Variants in DOCK8 observed in about 807,000 individuals in gnomAD.
DOCK8 encodes dedicator of cytokinesis protein 8.
A neutral mutation model predicts 245.6 loss-of-function variants in DOCK8; 141 were observed. The observed-to-expected ratio is 0.57, with a 90% CI of 0.50 to 0.66. DOCK8 has a LOEUF of 0.66. Among genes scored for constraint, DOCK8 ranks in the 30% least tolerant of loss-of-function variants. The pLI is 0.00. For missense variants in DOCK8, 2,965 were observed against 2,603.4 expected (o/e 1.14, Z -3.02); for synonymous variants, 1,168 against 970.2 (o/e 1.20, Z -3.79).
chr9:398,393 A>T (rs577897141), intron 25 of DOCK8, among the ~76,000 whole-genome samples: 21 of 152,342 alleles, frequency 1.4e-4, no homozygotes, highest in African/African-American at 5.1e-4. Context: ...TGTTAACAAA[A>T]GCAAAATAGT....
intron 39 of DOCK8, among the ~76,000 whole-genome samples, chr9:435,264 C>T (rs1047084741): frequency 3.9e-5 from 6 of 152,146 alleles, no homozygotes; most frequent in African/African-American, 1.4e-4. Flanking sequence ...ATTGCTTTCC[C>T]ATCGTCGTTG....
intron 2 of DOCK8, among the ~76,000 whole-genome samples, chr9:285,375 T>C (rs565484915): frequency 6.6e-6 from 1 of 152,140 alleles, no homozygotes; most frequent in Admixed American, 6.5e-5. Flanking sequence ...TCTGCCCTTG[T>C]CTCCCATCAA....
intron 1 of DOCK8, chr9:268,034 G>C (rs191510063): frequency 4.6e-5 from 7 of 152,210 alleles, no homozygotes; most frequent in Non-Finnish European, 7.3e-5. Flanking sequence ...AGGGGTGTGA[G>C]GCATGCTGGT....
rs1234416169 is a variant in DOCK8, at chr9:379,862, G to T, written c.2532G>T (p.Arg844Ser). 6.2e-7 allele frequency: 1 copy of T among 1,614,214 alleles called. No individual in the cohort carries two copies. Among genetic ancestry groups the T allele is most frequent in the East Asian group, 2.2e-5 (1 of 44,886 alleles). The change falls in exon 21 of 48, where the codon AGG (arginine) becomes AGT (serine). Residue 844 changes from arginine (R) to serine (S), a missense_variant. By Grantham distance (110) the Arg-to-Ser change is moderately radical (BLOSUM62 -1). Around this residue, in one of 3 missense-constraint regions of DOCK8, gnomAD observed 2,825 missense variants for 2,453.5 expected, o/e 1.15. Coordinates refer to ENST00000432829, the MANE Select transcript of DOCK8 (RefSeq NM_203447.4). ...ACCTGAGCAAGGACCAGCATGGGAG[G>T]AACTGCCTGCTGGCTTCCTACGTGC... ...SKDLSKDQHG[R>S]NCLLASYVHY...
At chr9:446,759 G>A (rs2057276351) in intron 44 of DOCK8, among the ~76,000 whole-genome samples, 153 bp downstream of exon 44, 1 of 152,108 alleles carries the variant, frequency 6.6e-6, no homozygotes, top group Non-Finnish European at 1.5e-5. Flanking sequence ...CTCTCATAGT[G>A]CCAGAAAATC....
intron 15 of DOCK8, chr9:368,541 A>G (rs2053126882): frequency 2.1e-6 from 1 of 466,496 alleles, no homozygotes; most frequent in African/African-American, 1.9e-5. Context: ...CACTTACTCA[A>G]GCCTCGGACC....
intron 4 of DOCK8, among the ~76,000 whole-genome samples, chr9:302,675 A>T (rs1025204403): frequency 1.3e-5 from 2 of 152,240 alleles, no homozygotes; most frequent in Non-Finnish European, 2.9e-5. Context: ...CCCCATTTAA[A>T]AATGGGCAAA....
intron 18 of DOCK8, among the ~76,000 whole-genome samples, chr9:373,679 TC>T (rs1294735015): frequency 6.6e-6 from 1 of 152,260 alleles, no homozygotes; most frequent in Admixed American, 6.5e-5. Context: ...CCGTCTCACT[TC>T]CGGCTGTTTT....
chr9:446,027 C>G (rs1443974699), intron 43 of DOCK8, among the ~76,000 whole-genome samples: 1 of 152,210 alleles, frequency 6.6e-6, no homozygotes, highest in African/African-American at 2.4e-5. Context: ...GTGAGGTAGT[C>G]ATTGTCATTC....
At chr9:225,387 G>A (rs147625880) in intron 1 of DOCK8, among the ~76,000 whole-genome samples, 3 of 152,206 alleles carry the variant, frequency 2.0e-5, no homozygotes, top group Non-Finnish European at 4.4e-5. Flanking sequence ...AGTTAGCAGT[G>A]TGCAGAAGGC....
chr9:459,887 A>G (rs964498094), intron 46 of DOCK8: 4 of 152,224 alleles, frequency 2.6e-5, no homozygotes, highest in Non-Finnish European at 5.9e-5. Flanking sequence ...AGAACGAGAG[A>G]GAGACAGAGG....
chr9:309,738 T>A (rs911004207), intron 5 of DOCK8, among the ~76,000 whole-genome samples: 3 of 152,134 alleles, frequency 2.0e-5, no homozygotes, highest in Admixed American at 6.5e-5. Flanking sequence ...TGTTGCCCAC[T>A]CCCACATCGA....
chr9:418,913 T>C (rs999485315), intron 30 of DOCK8, among the ~76,000 whole-genome samples: 54 of 152,012 alleles, frequency 3.6e-4, no homozygotes, highest in African/African-American at 1.3e-3. Context: ...AGGAGGCTGG[T>C]AGCTTAGCGT....
chr9:258,794 C>T (rs545768823), intron 1 of DOCK8, among the ~76,000 whole-genome samples: 30 of 152,058 alleles, frequency 2.0e-4, no homozygotes, highest in Admixed American at 5.2e-4. Flanking sequence ...GATGGGGTTT[C>T]ACCACGTTGG....
Position 368,222 on chromosome 9 carries a change from C to G in DOCK8, c.1797+87C>G, listed in dbSNP as rs761590766. ...CACAAGTCCGGGACTCATCAGTGTACAAAGTCCGTCTATTCCAGGCCAATA... is the reference window on the plus strand; with the variant it reads ...CACAAGTCCGGGACTCATCAGTGTAGAAAGTCCGTCTATTCCAGGCCAATA... On this transcript the variant is annotated intron_variant, in intron 15 of 47. Transcript: ENST00000432829. The G allele has an allele frequency of 2.0e-5, 22 of 1,123,026 alleles. No individual in the cohort carries two copies. The Admixed American group carries it at 3.7e-4, about 19-fold the overall frequency. 69.6% of individuals were successfully genotyped at this position (1,123,026 alleles called of 1,614,324 possible). A position where few individuals can be genotyped will look rare whatever the true frequency, so the allele number is the denominator to read the frequency against.
chr9:261,946 A>C (rs1301953486), intron 1 of DOCK8, among the ~76,000 whole-genome samples: 2 of 151,868 alleles, frequency 1.3e-5, no homozygotes, highest in East Asian at 3.9e-4. Flanking sequence ...AAATTCTTTC[A>C]CTGTCAGTCT....
At chr9:261,612 A>G (rs1013913121) in intron 1 of DOCK8, among the ~76,000 whole-genome samples, 4 of 152,206 alleles carry the variant, frequency 2.6e-5, no homozygotes, top group African/African-American at 9.6e-5. Flanking sequence ...GTATATGTCA[A>G]TTAGCACAAG....
rs146223665 is a variant in DOCK8 at position 372,210 on chromosome 9, G to A, written c.2033G>A (p.Arg678His). Reference sequence around the variant, plus strand: ...TGGCTGCCAATTCTCTTAAATGAACGTCTTCAAACTGGATCCTACTGTCTC... The same window carrying A: ...TGGCTGCCAATTCTCTTAAATGAACATCTTCAAACTGGATCCTACTGTCTC... Reference protein sequence around the residue: ...YSWLPILLNERLQTGSYCLPV... With the variant: ...YSWLPILLNEHLQTGSYCLPV... Residue 678 changes from arginine (R) to histidine (H), a missense_variant, in exon 18 of 48, where the codon CGT becomes CAT. This residue lies in a region of DOCK8 where 2,825 missense variants were observed against 2,453.5 expected (regional missense o/e 1.15). Transcript: ENST00000432829. 4.0e-5 allele frequency: 64 copies of A among 1,613,932 alleles called. No individual in the cohort carries two copies. The East Asian group carries it at 8.7e-4, about 22-fold the overall frequency.
rs749473902 is a variant in DOCK8, at chr9:446,397, C to T, written c.5608C>T (p.Pro1870Ser). ...KAYIQITFVE[P>S]YFDEYEMKDR... The stretch of plus-strand genomic sequence containing the variant: ...CTACATACAGATCACTTTTGTGGAG[C>T]CCTACTTTGATGAGTATGAGATGAA... The change falls in exon 44 of 48, where the codon CCC becomes TCC. Residue 1870 changes from proline to serine, a missense_variant. Physicochemically the swap from Pro to Ser is moderately conservative, Grantham distance 74. Around this residue, in one of 3 missense-constraint regions of DOCK8, gnomAD observed 2,825 missense variants for 2,453.5 expected, o/e 1.15. Transcript: ENST00000432829. 2 of 1,614,210 alleles carry T rather than the reference C, an allele frequency of 1.2e-6. No homozygotes were observed. The highest frequency in any genetic ancestry group is 3.3e-5 in the Admixed American group (2 of 60,022).
Sources: allele counts gnomAD v4.1 joint callset (sites outside exome capture counted in the v4.1 genomes callset), GRCh38; gene constraint gnomAD v4.1.1; regional missense constraint gnomAD v4.1.1; transcripts MANE v1.5; gene names NCBI Gene and HGNC (gene_info 2026-07-23, HGNC 2026-07-21).